VWC2: variants seen among roughly 807,000 people sequenced by gnomAD.
VWC2 encodes the protein von Willebrand factor C domain containing 2.
Under a neutral mutation model 29.8 loss-of-function variants are expected in VWC2, and 14 were observed. The observed-to-expected ratio is 0.47, with a 90% CI of 0.31 to 0.74. The LOEUF (loss-of-function observed/expected upper bound fraction) is 0.74. Ranked by LOEUF, VWC2 falls within the 30% of genes least tolerant of loss-of-function variation. The pLI is 0.05. For missense variants in VWC2, 457 were observed against 459.8 expected, an observed-to-expected ratio of 0.99 and a Z score of 0.05; for synonymous variants, 213 against 199.0, an observed-to-expected ratio of 1.07 and a Z score of -0.59.
intron 2 of VWC2, among the ~76,000 whole-genome samples, chr7:49,788,692 GGT>G (rs34971813): frequency 0.56 from 79,635 of 143,294 alleles, 24,150 homozygotes; most frequent in African/African-American, 0.82. Context: ...GGTGTGTGAG[GGT>G]GTGTGTGTGT....
intron 3 of VWC2, among the ~76,000 whole-genome samples, chr7:49,852,708 C>G (rs1790230920): frequency 6.6e-6 from 1 of 152,146 alleles, no homozygotes; most frequent in African/African-American, 2.4e-5. Flanking sequence ...GGCCTTGCTC[C>G]TACAGATCAA....
At chr7:49,792,043 G>A (rs1323459166) in intron 2 of VWC2, among the ~76,000 whole-genome samples, 2 of 152,188 alleles carry the variant, frequency 1.3e-5, no homozygotes, top group Non-Finnish European at 2.9e-5. Flanking sequence ...GAAATATACA[G>A]GCGTTACTTC....
chr7:49,921,950 A>AT (rs1350953355), downstream of VWC2: 1 of 152,142 alleles, frequency 6.6e-6, no homozygotes, highest in Non-Finnish European at 1.5e-5. Context: ...TATTAAACTG[A>AT]GTTTTGCACT....
chr7:49,782,921 A>T (rs1323396066), intron 2 of VWC2, among the ~76,000 whole-genome samples: 3 of 152,190 alleles, frequency 2.0e-5, no homozygotes, highest in African/African-American at 7.2e-5. Context: ...ATAAGAAGTA[A>T]ATAAGATGTA....
chr7:49,906,120 A>G (rs1180676828), intron 3 of VWC2, among the ~76,000 whole-genome samples: 6 of 152,158 alleles, frequency 3.9e-5, no homozygotes, highest in African/African-American at 1.4e-4. Context: ...CGGAGTAGCC[A>G]TTCTTTATTC....
chr7:49,800,242 T>G (rs1425350944), intron 2 of VWC2, among the ~76,000 whole-genome samples: 1 of 152,190 alleles, frequency 6.6e-6, no homozygotes, highest in East Asian at 1.9e-4. Flanking sequence ...TGCACCTTCA[T>G]GCAGAAAGCT....
At chr7:49,892,996 C>G (rs183343813) in intron 3 of VWC2, among the ~76,000 whole-genome samples, 1 of 152,186 alleles carries the variant, frequency 6.6e-6, no homozygotes. Context: ...ATTTATTTGA[C>G]AGCGGGGACA....
chr7:49,813,120 T>A (rs143442921), intron 3 of VWC2, among the ~76,000 whole-genome samples: 94 of 152,310 alleles, frequency 6.2e-4, no homozygotes, highest in African/African-American at 2.0e-3. Flanking sequence ...TCAAGCAGTG[T>A]TCTTCTCCGT....
At position 49,820,029 on chromosome 7, in the gene VWC2, C is replaced by T. The variant is rs181091007; in HGVS notation, c.826+17189C>T. 2.3e-4 allele frequency among the ~76,000 whole-genome samples: 35 copies of T among 151,424 alleles called. No individual in the cohort carries two copies. The East Asian group carries it at 5.3e-3, about 23-fold the overall frequency. Reference sequence around the variant, plus strand: ...CACAATATATTTCTAAGATTTTAATCCTTTCTAAATAAAGTGAGATTAGAA... The same window carrying T: ...CACAATATATTTCTAAGATTTTAATTCTTTCTAAATAAAGTGAGATTAGAA... On this transcript the variant is annotated intron_variant, in intron 3 of 3. Coordinates refer to ENST00000340652, the MANE Select transcript of VWC2 (RefSeq NM_198570.5).
Position 49,780,190 on chromosome 7 carries a change from A to G in VWC2, c.696+4059A>G, listed in dbSNP as rs572115935. ...CACGGAGTGAGTGGTGATGAAGTGT[A>G]TGCCAATGAACATTAACTGAGGGGC... On this transcript the variant is annotated intron_variant, in intron 2 of 3. Coordinates refer to ENST00000340652, the MANE Select transcript of VWC2 (RefSeq NM_198570.5). Among the ~76,000 whole-genome samples, 3 of 152,342 alleles carry G rather than the reference A, an allele frequency of 2.0e-5. No individual in the cohort carries two copies. In the East Asian group the frequency reaches 5.8e-4, roughly 29 times the overall value.
intron 3 of VWC2, among the ~76,000 whole-genome samples, chr7:49,857,009 CAAAAAAAAAAAAAAAAA>C (rs59910243): frequency 3.8e-5 from 2 of 52,764 alleles, no homozygotes; most frequent in East Asian, 7.0e-4. Flanking sequence ...GATACTGTCT[CAAAAAAAAAAAAAAAAA>C]AAAAAAAAAA....
At chr7:49,897,383 A>C (rs1304968839) in intron 3 of VWC2, among the ~76,000 whole-genome samples, 1 of 152,192 alleles carries the variant, frequency 6.6e-6, no homozygotes, top group Non-Finnish European at 1.5e-5. Flanking sequence ...ACTGCCACAA[A>C]ATTTCTTTTA....
intron 2 of VWC2, among the ~76,000 whole-genome samples, chr7:49,797,447 T>C (rs1187914693): frequency 1.3e-5 from 2 of 152,234 alleles, no homozygotes; most frequent in African/African-American, 4.8e-5. Context: ...TTCATTGTTT[T>C]GCTTCAGGTT....
At chr7:49,873,819 A>G (rs983998888) in intron 3 of VWC2, among the ~76,000 whole-genome samples, 2 of 152,010 alleles carry the variant, frequency 1.3e-5, no homozygotes, top group Non-Finnish European at 2.9e-5. Flanking sequence ...AAATGGATTA[A>G]TTAATTATGG....
At chr7:49,877,805 A>C (rs188230660) in intron 3 of VWC2, among the ~76,000 whole-genome samples, 297 of 151,868 alleles carry the variant, frequency 2.0e-3, no homozygotes, top group Middle Eastern at 0.01. Flanking sequence ...ATTATTTGAA[A>C]TAAGGAGTAG....
At chr7:49,906,824 AT>A (rs74978076) in intron 3 of VWC2, among the ~76,000 whole-genome samples, 28,252 of 152,168 alleles carry the variant, frequency 0.19, 3,757 homozygotes, top group East Asian at 0.63. Context: ...GTTTTAAATC[AT>A]TTTAACACTT....
chr7:49,798,918 G>C (rs2128705224), intron 2 of VWC2, among the ~76,000 whole-genome samples: 1 of 152,338 alleles, frequency 6.6e-6, no homozygotes, highest in East Asian at 1.9e-4. Context: ...TGGTATCAAA[G>C]ATGGCTCTGC....
chr7:49,856,305 G>A (rs1274103447), intron 3 of VWC2, among the ~76,000 whole-genome samples: 1 of 152,076 alleles, frequency 6.6e-6, no homozygotes, highest in African/African-American at 2.4e-5. Context: ...TATCTCAAGT[G>A]AAATCTGGTT....
chr7:49,842,024 G>A (rs1387958639), intron 3 of VWC2, among the ~76,000 whole-genome samples: 2 of 152,032 alleles, frequency 1.3e-5, no homozygotes, highest in Non-Finnish European at 2.9e-5. Flanking sequence ...TCGCCACCAC[G>A]CCCAGCTAAC....
Sources: allele counts gnomAD v4.1 joint callset (sites outside exome capture counted in the v4.1 genomes callset), GRCh38; gene constraint gnomAD v4.1.1; transcripts MANE v1.5; gene names NCBI Gene and HGNC (gene_info 2026-07-23, HGNC 2026-07-21).